ARHGAP44: variants seen among roughly 807,000 people sequenced by gnomAD.
The protein encoded by ARHGAP44 is Rho GTPase activating protein 44.
Under a neutral mutation model 106.8 loss-of-function variants are expected in ARHGAP44, and 43 were observed. The observed-to-expected ratio is 0.40, with a 90% CI of 0.32 to 0.52. ARHGAP44 has a LOEUF of 0.52. ARHGAP44 is among the 20% of genes least tolerant of loss of function. The pLI is 0.48. For missense variants in ARHGAP44, 866 were observed against 1,050.5 expected, an observed-to-expected ratio of 0.82 and a Z score of 2.43; for synonymous variants, 439 against 410.3, an observed-to-expected ratio of 1.07 and a Z score of -0.85.
intron 7 of ARHGAP44, among the ~76,000 whole-genome samples, chr17:12,935,870 A>C (rs557762934): frequency 1.3e-5 from 2 of 152,320 alleles, no homozygotes; most frequent in African/African-American, 4.8e-5. Context: ...ATGTACAGAT[A>C]ATAGGGGATC....
intron 16 of ARHGAP44, among the ~76,000 whole-genome samples, chr17:12,965,532 G>C (rs766273989): frequency 6.6e-6 from 1 of 152,130 alleles, no homozygotes; most frequent in African/African-American, 2.4e-5. Context: ...AGAATAATTC[G>C]AACTGTGCCC....
intron 1 of ARHGAP44, among the ~76,000 whole-genome samples, chr17:12,814,235 G>GTTTTTTTTTTTTTT: frequency 1.1e-5 from 1 of 87,270 alleles, no homozygotes; most frequent in Non-Finnish European, 2.2e-5. Flanking sequence ...CCAAACTGGT[G>GTTTTTTTTTTTTTT]TTTTTTTTTT....
rs1470350664 is a variant in ARHGAP44 at position 12,949,810 on chromosome 17, C to T, written c.1055+80C>T. On this transcript the variant is annotated intron_variant, in intron 12 of 20. Coordinates refer to ENST00000379672, the MANE Select transcript of ARHGAP44 (RefSeq NM_014859.6). This position sits in a 1 kb window ranked among gnomAD's most constrained non-coding sequence, Gnocchi z 4.1. ...GTGCTGAAATTATAGAAGCATGTAA[C>T]CTATGATCTCGCAACCCCGTTTCTT... 1.4e-6 allele frequency: 2 copies of T among 1,404,442 alleles called. No homozygotes were observed. Among genetic ancestry groups the T allele is most frequent in the Non-Finnish European group, 1.0e-6 (1 of 1,003,594 alleles). The allele number at this position is 1,404,442 out of a possible 1,614,324, so 87.0% of individuals were successfully genotyped here. A position where few individuals can be genotyped will look rare whatever the true frequency, so the allele number is the denominator to read the frequency against.
intron 1 of ARHGAP44, among the ~76,000 whole-genome samples, chr17:12,856,795 C>T (rs1971662): frequency 0.53 from 81,234 of 151,954 alleles, 24,415 homozygotes; most frequent in Non-Finnish European, 0.65. Context: ...AAATGAATGT[C>T]GAGCTTTAAC....
intron 5 of ARHGAP44, among the ~76,000 whole-genome samples, chr17:12,918,207 G>C (rs1208130576): frequency 6.6e-6 from 1 of 152,214 alleles, no homozygotes; most frequent in Non-Finnish European, 1.5e-5. Context: ...TGGCCCTCCA[G>C]CTTAGCTTCG....
At chr17:12,890,042 T>G (rs2150911195) in intron 1 of ARHGAP44, among the ~76,000 whole-genome samples, 1 of 152,204 alleles carries the variant, frequency 6.6e-6, no homozygotes, top group Non-Finnish European at 1.5e-5. Flanking sequence ...TTTTGCTGGG[T>G]GTGGCAGTTT....
intron 1 of ARHGAP44, among the ~76,000 whole-genome samples, chr17:12,819,582 GT>G (rs112095946): frequency 0.077 from 10,906 of 141,374 alleles, 659 homozygotes; most frequent in African/African-American, 0.18. Context: ...ATACTGTCAA[GT>G]TTTTTTTTTT....
In ARHGAP44 at chr17:12,949,842, T is replaced by G; in HGVS notation, c.1055+112T>G. 6 of 1,052,230 alleles carry G rather than the reference T, an allele frequency of 5.7e-6. No homozygotes were observed. The highest frequency in any genetic ancestry group is 8.4e-6 in the Non-Finnish European group (6 of 711,310). 65.2% of individuals were successfully genotyped at this position (1,052,230 alleles called of 1,614,324 possible). A position where few individuals can be genotyped will look rare whatever the true frequency, so the allele number is the denominator to read the frequency against. On this transcript the variant is annotated intron_variant, in intron 12 of 20. Transcript: ENST00000379672. This position sits in a 1 kb window ranked among gnomAD's most constrained non-coding sequence, Gnocchi z 4.1. ...TCTCGCAACCCCGTTTCTTGATCTCTGCCATGAAGGAGTGCTTATACATTT... is the reference window on the plus strand; with the variant it reads ...TCTCGCAACCCCGTTTCTTGATCTCGGCCATGAAGGAGTGCTTATACATTT...
At chr17:12,813,305 G>GTT (rs200385086) in intron 1 of ARHGAP44, among the ~76,000 whole-genome samples, 17,895 of 142,008 alleles carry the variant, frequency 0.13, 1,147 homozygotes, top group African/African-American at 0.15. Flanking sequence ...GAGGTTTTTT[G>GTT]TTTTTTTTTT....
chr17:12,938,228 A>T (rs2150977128), intron 7 of ARHGAP44, among the ~76,000 whole-genome samples: 1 of 152,342 alleles, frequency 6.6e-6, no homozygotes, highest in East Asian at 1.9e-4. Flanking sequence ...TTGTTTCTAG[A>T]TGAGAAGAGT....
intron 7 of ARHGAP44, among the ~76,000 whole-genome samples, chr17:12,932,894 C>T (rs1308248652): frequency 3.9e-5 from 6 of 152,116 alleles, no homozygotes; most frequent in African/African-American, 1.4e-4. Flanking sequence ...GATTTCATAG[C>T]AAATATAATC....
At chr17:12,922,594 C>T (rs1168970388) in intron 6 of ARHGAP44, among the ~76,000 whole-genome samples, 1 of 152,168 alleles carries the variant, frequency 6.6e-6, no homozygotes, top group African/African-American at 2.4e-5. Flanking sequence ...CACCACAGAG[C>T]CTCTTGTTAG....
At chr17:12,805,566 CTT>C (rs747520997) in intron 1 of ARHGAP44, among the ~76,000 whole-genome samples, 26,974 of 152,108 alleles carry the variant, frequency 0.18, 4,005 homozygotes, top group African/African-American at 0.4. Flanking sequence ...AGTGTATTGT[CTT>C]TATCTCCAAA....
intron 16 of ARHGAP44, among the ~76,000 whole-genome samples, chr17:12,969,129 TAGGAA>T (rs1253323073): frequency 6.6e-6 from 1 of 152,106 alleles, no homozygotes; most frequent in Admixed American, 6.6e-5. Flanking sequence ...GGGTCACTGT[TAGGAA>T]GGGAAGAAAT....
intron 1 of ARHGAP44, among the ~76,000 whole-genome samples, chr17:12,831,651 A>G (rs2035092466): frequency 6.6e-6 from 1 of 152,130 alleles, no homozygotes; most frequent in Non-Finnish European, 1.5e-5. Context: ...TGATGAGTGC[A>G]TTTCAGAGGG....
intron 1 of ARHGAP44, among the ~76,000 whole-genome samples, chr17:12,841,594 T>TCTCTCACA (rs1417307080): frequency 7.9e-6 from 1 of 126,516 alleles, no homozygotes; most frequent in African/African-American, 3.5e-5. Context: ...TGTCTCTCTC[T>TCTCTCACA]CACACACACA....
At chr17:12,855,694 T>G (rs888615926) in intron 1 of ARHGAP44, among the ~76,000 whole-genome samples, 1 of 152,210 alleles carries the variant, frequency 6.6e-6, no homozygotes, top group South Asian at 2.1e-4. Context: ...TTGGACTGTT[T>G]ATTAAAATTT....
chr17:12,962,584 A>G (rs1322718993), intron 16 of ARHGAP44, among the ~76,000 whole-genome samples: 1 of 152,152 alleles, frequency 6.6e-6, no homozygotes, highest in East Asian at 1.9e-4. Flanking sequence ...AGGCAGAGAG[A>G]GATTTTACTA....
At chr17:12,924,047 T>C (rs774810435) in intron 6 of ARHGAP44, among the ~76,000 whole-genome samples, 2 of 152,210 alleles carry the variant, frequency 1.3e-5, no homozygotes, top group Non-Finnish European at 2.9e-5. Context: ...CTTCATGAAG[T>C]ATGCTCTGCA....
Sources: gnomAD v4.1 joint callset for allele counts (sites outside exome capture counted in the v4.1 genomes callset) on GRCh38, gnomAD v4.1.1 for gene constraint, Gnocchi (gnomAD v3.1) non-coding constraint, MANE v1.5 for transcripts, NCBI Gene and HGNC (gene_info 2026-07-23, HGNC 2026-07-21) for gene names.